The following FAT3 variants were observed in gnomAD, a reference collection of about 807,000 sequenced individuals.
FAT3 encodes the protein protocadherin Fat 3.
FAT3 carries 95 observed loss-of-function variants against 310.2 expected under a neutral mutation model. The observed-to-expected ratio is 0.31, with a 90% CI of 0.26 to 0.36. The LOEUF is 0.36. Among genes scored for constraint, FAT3 ranks in the 10% least tolerant of loss-of-function variants. The pLI is 1.00. For missense variants in FAT3, 5,408 were observed against 5,715.6 expected (o/e 0.95, Z 1.74); for synonymous variants, 2,314 against 2,192.9 (o/e 1.06, Z -1.54).
chr11:92,339,733 C>T (rs1461755683), intron 1 of FAT3, among the ~76,000 whole-genome samples: 2 of 151,916 alleles, frequency 1.3e-5, no homozygotes, highest in Non-Finnish European at 2.9e-5. Context: ...GGGAAATGTG[C>T]AGACTCCTGA....
intron 1 of FAT3, among the ~76,000 whole-genome samples, chr11:92,310,194 C>A (rs1380900873): frequency 6.6e-6 from 1 of 151,852 alleles, no homozygotes; most frequent in African/African-American, 2.4e-5. Context: ...TGATCTTATC[C>A]CAAGATAAGA....
At chr11:92,629,067 C>T (rs952159318) in intron 3 of FAT3, among the ~76,000 whole-genome samples, 6 of 152,198 alleles carry the variant, frequency 3.9e-5, no homozygotes, top group Non-Finnish European at 7.3e-5. Flanking sequence ...AAAACAGTGA[C>T]AAGAGAAAGA....
rs2136283495 is a variant in FAT3 at position 92,840,880 on chromosome 11, G to A, written c.10566+121G>A. 4.2e-6 allele frequency: 4 copies of A among 942,516 alleles called. No individual in the cohort carries two copies. The South Asian group carries it at 8.0e-5, about 19-fold the overall frequency. The allele number at this position is 942,516 out of a possible 1,614,324, so 58.4% of individuals were successfully genotyped here. On this transcript the variant is annotated intron_variant, in intron 18 of 27. Coordinates refer to ENST00000525166, the MANE Select transcript of FAT3 (RefSeq NM_001367949.2). ...ACATAATTCATTACCATGCGGGAAT[G>A]TTCCCCCTTTTAATCTCAAATTCAA...
At chr11:92,697,480 C>A (rs773458251) in intron 4 of FAT3, 35 bp downstream of exon 4, 8 of 1,594,186 alleles carry the variant, frequency 5.0e-6, no homozygotes, top group African/African-American at 1.3e-5. Context: ...TTCATTAAAA[C>A]TGACTTTCAC....
At chr11:92,311,069 C>T (rs1284889943) in intron 1 of FAT3, among the ~76,000 whole-genome samples, 1 of 150,690 alleles carries the variant, frequency 6.6e-6, no homozygotes, top group African/African-American at 2.4e-5. Flanking sequence ...TATATGTGTA[C>T]ATATACACAC....
intron 4 of FAT3, among the ~76,000 whole-genome samples, chr11:92,761,611 GGAC>G (rs1946153075): frequency 6.6e-6 from 1 of 152,020 alleles, no homozygotes; most frequent in Admixed American, 6.6e-5. Flanking sequence ...TGTCAGATCA[GGAC>G]TCAATCCTTA....
At chr11:92,626,029 A>G (rs1418877456) in intron 3 of FAT3, among the ~76,000 whole-genome samples, 6 of 152,184 alleles carry the variant, frequency 3.9e-5, no homozygotes. Context: ...AGTAGCCAGA[A>G]CTTTGAAGTG....
chr11:92,885,198 A>G (rs1436620508), intron 24 of FAT3, among the ~76,000 whole-genome samples: 2 of 152,212 alleles, frequency 1.3e-5, no homozygotes, highest in African/African-American at 4.8e-5. Context: ...AAGAGGTTTG[A>G]TGAGAAAGTC....
intron 4 of FAT3, among the ~76,000 whole-genome samples, chr11:92,705,736 ATGG>A (rs1186938878): frequency 3.9e-5 from 1 of 25,920 alleles, no homozygotes; most frequent in African/African-American, 1.5e-4. Context: ...TGATGGTGTG[ATGG>A]TGGTGGGTGA....
At chr11:92,775,567 G>A (rs1001827875) in intron 7 of FAT3, among the ~76,000 whole-genome samples, 1 of 152,088 alleles carries the variant, frequency 6.6e-6, no homozygotes, top group African/African-American at 2.4e-5. Context: ...ATGATCATAT[G>A]ACTCTGTTTG....
At chr11:92,700,740 C>G (rs1944074694) in intron 4 of FAT3, among the ~76,000 whole-genome samples, 2 of 152,102 alleles carry the variant, frequency 1.3e-5, no homozygotes, top group African/African-American at 4.8e-5. Flanking sequence ...AATAAATCTG[C>G]TAAGGCTTTC....
At chr11:92,411,054 T>C in intron 2 of FAT3, among the ~76,000 whole-genome samples, 1 of 143,188 alleles carries the variant, frequency 7.0e-6, no homozygotes, top group East Asian at 2.0e-4. Context: ...ATATAATATA[T>C]ATATAAATAT....
chr11:92,834,489 C>G (rs995686696), intron 14 of FAT3, among the ~76,000 whole-genome samples: 2 of 152,210 alleles, frequency 1.3e-5, no homozygotes, highest in Admixed American at 6.5e-5. Context: ...CCCCAAATCT[C>G]AGCTCATTCT....
At chr11:92,319,381 A>T (rs554146995) in intron 1 of FAT3, among the ~76,000 whole-genome samples, 1 of 96,572 alleles carries the variant, frequency 1.0e-5, no homozygotes, top group South Asian at 2.2e-4. Context: ...TATAACACTG[A>T]ATGATAGGAA....
intron 4 of FAT3, among the ~76,000 whole-genome samples, chr11:92,740,355 A>G (rs1283344924): frequency 6.6e-6 from 1 of 152,182 alleles, no homozygotes; most frequent in Non-Finnish European, 1.5e-5. Flanking sequence ...TCATTATTTA[A>G]CACATTTAAT....
At chr11:92,546,823 A>G (rs1203789516) in intron 3 of FAT3, among the ~76,000 whole-genome samples, 1 of 152,194 alleles carries the variant, frequency 6.6e-6, no homozygotes, top group Non-Finnish European at 1.5e-5. Flanking sequence ...AAAGATGAAT[A>G]GTTAAGAGGC....
At chr11:92,550,121 T>C (rs1009032314) in intron 3 of FAT3, among the ~76,000 whole-genome samples, 5 of 152,334 alleles carry the variant, frequency 3.3e-5, no homozygotes, top group African/African-American at 1.2e-4. Flanking sequence ...AGCCAATTTT[T>C]GTTTTAAATC....
intron 4 of FAT3, among the ~76,000 whole-genome samples, chr11:92,753,111 A>G (rs1945872187): frequency 6.6e-6 from 1 of 152,016 alleles, no homozygotes; most frequent in African/African-American, 2.4e-5. Flanking sequence ...CTAAATCTGG[A>G]CTCTGAGACT....
At chr11:92,784,194 TA>T (rs1445351348) in intron 7 of FAT3, among the ~76,000 whole-genome samples, 1 of 152,184 alleles carries the variant, frequency 6.6e-6, no homozygotes, top group African/African-American at 2.4e-5. Context: ...AAACCAGAAA[TA>T]ATAAAGTCTA....
Sources: allele counts gnomAD v4.1 joint callset (sites outside exome capture counted in the v4.1 genomes callset), GRCh38; gene constraint gnomAD v4.1.1; transcripts MANE v1.5; gene names NCBI Gene and HGNC (gene_info 2026-07-23, HGNC 2026-07-21).